PTPRD: variants seen among roughly 807,000 people sequenced by gnomAD.
PTPRD encodes receptor-type tyrosine-protein phosphatase delta.
PTPRD carries 34 observed loss-of-function variants against 214.5 expected under a neutral mutation model. That is an observed-to-expected ratio of 0.16 (90% confidence interval 0.12 to 0.21). The LOEUF (loss-of-function observed/expected upper bound fraction) is 0.21, where lower values mean the gene tolerates loss of function less well. Ranked by LOEUF, PTPRD falls within the 10% of genes least tolerant of loss-of-function variation. The pLI, the probability that PTPRD is intolerant of heterozygous loss-of-function variation, is 1.00. For synonymous variants in PTPRD, 1,128 were observed against 845.7 expected (o/e 1.33, Z -5.79); for missense variants, 2,545 against 2,398.7 (o/e 1.06, Z -1.27).
intron 9 of PTPRD, among the ~76,000 whole-genome samples, chr9:9,216,270 A>G (rs2099952138): frequency 6.6e-6 from 1 of 152,198 alleles, no homozygotes; most frequent in Non-Finnish European, 1.5e-5. Flanking sequence ...AATATTACCT[A>G]TTAAAATAAG....
chr9:9,368,540 T>A (rs2058521367), intron 9 of PTPRD, among the ~76,000 whole-genome samples: 1 of 151,756 alleles, frequency 6.6e-6, no homozygotes. Context: ...AATATTAAAG[T>A]CAGAGAGAGG....
intron 9 of PTPRD, among the ~76,000 whole-genome samples, chr9:9,243,400 T>G (rs6477381): frequency 0.16 from 24,302 of 152,080 alleles, 2,287 homozygotes; most frequent in East Asian, 0.36. Flanking sequence ...AACAAAATAC[T>G]GGCAAACCGA....
intron 7 of PTPRD, among the ~76,000 whole-genome samples, chr9:9,652,280 T>G (rs2096381474): frequency 6.6e-6 from 1 of 152,188 alleles, no homozygotes; most frequent in Non-Finnish European, 1.5e-5. Flanking sequence ...GTTCCTGGGT[T>G]CTTCTACCTT....
intron 7 of PTPRD, among the ~76,000 whole-genome samples, chr9:9,600,546 G>T (rs543199746): frequency 8.5e-5 from 13 of 152,166 alleles, no homozygotes; most frequent in African/African-American, 3.1e-4. Context: ...GAGGTGTGTG[G>T]TGTTCAAGAG....
chr9:10,360,135 T>C (rs2097350247), intron 2 of PTPRD, among the ~76,000 whole-genome samples: 1 of 152,236 alleles, frequency 6.6e-6, no homozygotes, highest in Non-Finnish European at 1.5e-5. Flanking sequence ...AGATACTGAA[T>C]TTTATGTGAT....
chr9:10,449,292 G>C (rs1336955423), intron 2 of PTPRD, among the ~76,000 whole-genome samples: 3 of 151,852 alleles, frequency 2.0e-5, no homozygotes, highest in East Asian at 1.9e-4. Context: ...CTGCCCACCT[G>C]GGCCTCCCGA....
chr9:8,579,593 G>T (rs554247831), intron 14 of PTPRD, among the ~76,000 whole-genome samples: 2 of 152,104 alleles, frequency 1.3e-5, no homozygotes, highest in Non-Finnish European at 2.9e-5. Context: ...CATTCTAGGG[G>T]AACAAAAGAT....
At chr9:8,982,197 C>G (rs2099316152) in intron 11 of PTPRD, among the ~76,000 whole-genome samples, 1 of 151,946 alleles carries the variant, frequency 6.6e-6, no homozygotes, top group Non-Finnish European at 1.5e-5. Context: ...ATCTGATTGA[C>G]TTAGTACTGA....
At chr9:8,850,281 T>C (rs947066682) in intron 11 of PTPRD, among the ~76,000 whole-genome samples, 1 of 152,224 alleles carries the variant, frequency 6.6e-6, no homozygotes, top group East Asian at 1.9e-4. Context: ...AATTATTGTT[T>C]CTATGAGAAG....
intron 7 of PTPRD, among the ~76,000 whole-genome samples, chr9:9,728,975 G>C (rs2098138922): frequency 6.6e-6 from 1 of 152,046 alleles, no homozygotes; most frequent in Non-Finnish European, 1.5e-5. Context: ...TACCACACAA[G>C]TAAATGGTAC....
chr9:8,707,315 T>A (rs953172257), intron 12 of PTPRD, among the ~76,000 whole-genome samples: 2 of 152,186 alleles, frequency 1.3e-5, no homozygotes, highest in African/African-American at 4.8e-5. Flanking sequence ...TATTTCTCCA[T>A]CAGAAATGCA....
intron 3 of PTPRD, among the ~76,000 whole-genome samples, chr9:10,289,932 A>T (rs1249786292): frequency 6.6e-6 from 1 of 152,082 alleles, no homozygotes; most frequent in East Asian, 1.9e-4. Flanking sequence ...CGGTAGGGTA[A>T]AAAGGGTTAT....
chr9:8,512,964 T>C (rs182251464), intron 21 of PTPRD, among the ~76,000 whole-genome samples: 1 of 152,164 alleles, frequency 6.6e-6, no homozygotes, highest in East Asian at 1.9e-4. Context: ...CAATTACCTT[T>C]ACAAGAAAAC....
intron 11 of PTPRD, among the ~76,000 whole-genome samples, chr9:8,818,738 A>G (rs1460622566): frequency 3.3e-5 from 5 of 152,248 alleles, no homozygotes; most frequent in Non-Finnish European, 7.3e-5. Context: ...TTTAATTGTT[A>G]CTAATTAATA....
chr9:9,211,047 T>C (rs2099948217), intron 9 of PTPRD, among the ~76,000 whole-genome samples: 1 of 152,080 alleles, frequency 6.6e-6, no homozygotes, highest in Non-Finnish European at 1.5e-5. Context: ...TTTGTTTTTG[T>C]CCTTGCAAAT....
rs142596466 is a variant in PTPRD, at chr9:8,445,483, AT to A, written c.3988+4241del. Among the ~76,000 whole-genome samples, 1,219 of 152,068 alleles carry A rather than the reference AT, an allele frequency of 8.0e-3. 21 individuals carry two copies. The highest frequency in any genetic ancestry group is 0.028 in the African/African-American group (1,165 of 41,464). ...ACAGTGTTTCACAGACTGACAGGAT[AT>A]TTTTTTTCATTTTAAAGTATACTTT... On this transcript the variant is annotated intron_variant, in intron 34 of 45. Coordinates refer to ENST00000381196, the MANE Select transcript of PTPRD (RefSeq NM_002839.4).
chr9:10,300,091 C>T (rs1284193673), intron 3 of PTPRD, among the ~76,000 whole-genome samples: 1 of 152,158 alleles, frequency 6.6e-6, no homozygotes, highest in Non-Finnish European at 1.5e-5. Context: ...TGTTACCATT[C>T]CATCCTGATA....
intron 10 of PTPRD, among the ~76,000 whole-genome samples, chr9:9,036,976 T>G (rs2154380704): frequency 2.0e-5 from 3 of 152,312 alleles, no homozygotes; most frequent in Admixed American, 2.0e-4. Flanking sequence ...TAAATTGGTT[T>G]GAACACAAAT....
At chr9:8,383,766 C>T (rs2085978382) in intron 37 of PTPRD, among the ~76,000 whole-genome samples, 1 of 152,176 alleles carries the variant, frequency 6.6e-6, no homozygotes, top group African/African-American at 2.4e-5. Flanking sequence ...CATTTACAAA[C>T]AGCTCTTTAA....
Sources: allele counts gnomAD v4.1 joint callset (sites outside exome capture counted in the v4.1 genomes callset), GRCh38; gene constraint gnomAD v4.1.1; transcripts MANE v1.5; gene names NCBI Gene and HGNC (gene_info 2026-07-23, HGNC 2026-07-21).